GSDME: variants seen among roughly 807,000 people sequenced by gnomAD.
The protein encoded by GSDME is gasdermin E, also known as gasdermin-E.
Under a neutral mutation model 47.5 loss-of-function variants are expected in GSDME, and 44 were observed. The ratio of observed to expected loss-of-function variants is 0.93; its 90% CI spans 0.73 to 1.19. The LOEUF (loss-of-function observed/expected upper bound fraction) is 1.19, where lower values mean the gene tolerates loss of function less well. GSDME is among the 50% of genes most tolerant of loss of function. The pLI, the probability that GSDME is intolerant of heterozygous loss-of-function variation, is 0.00. For synonymous variants in GSDME, 258 were observed against 252.8 expected (o/e 1.02, Z -0.20); for missense variants, 663 against 604.2 (o/e 1.10, Z -1.02).
rs1308848290 is a variant in GSDME, at chr7:24,710,385, A to G, written c.701T>C (p.Phe234Ser). 1 of 1,614,252 alleles carries G rather than the reference A, an allele frequency of 6.2e-7. No individual in the cohort carries two copies. Among genetic ancestry groups the G allele is most frequent in the African/African-American group, 1.3e-5 (1 of 75,070 alleles). The part of the protein sequence containing the change: ...LYVKLDGQFE[F>S]CLLRGKQGGF... ...ACCTTGCTTCCCTCGGAGAAGGCAG[A>G]ACTCTGTAGTGCAGGAGAAAAGGAC... The change falls in exon 6 of 10, where the codon TTC becomes TCC. Residue 234 changes from phenylalanine (F) to serine (S), a missense_variant. Transcript: ENST00000645220.
chr7:24,729,622 C>T (rs886235), intron 3 of GSDME, among the ~76,000 whole-genome samples: 1 of 151,788 alleles, frequency 6.6e-6, no homozygotes, highest in African/African-American at 2.4e-5. Context: ...TCCTTCATGC[C>T]TCTGTGCAGA....
At chr7:24,748,680 T>A (rs769811205) in intron 2 of GSDME, among the ~76,000 whole-genome samples, 11 of 152,202 alleles carry the variant, frequency 7.2e-5, no homozygotes, top group Admixed American at 2.0e-4. Context: ...CTCCTCCTTC[T>A]CTTTCTTTTG....
At chr7:24,775,845 A>G in the GSDME span, among the ~76,000 whole-genome samples, 1 of 124,840 alleles carries the variant, frequency 8.0e-6, no homozygotes, top group Non-Finnish European at 1.6e-5. Flanking sequence ...ACTGCACTCC[A>G]GCCTGGGTGA....
rs553161582 is a variant in GSDME at position 24,714,793 on chromosome 7, G to A, written c.697+2461C>T. On this transcript the variant is annotated intron_variant, in intron 5 of 9. Transcript: ENST00000645220. This position sits in a 1 kb window ranked among gnomAD's most constrained non-coding sequence, Gnocchi z 5.0. ...TGGTCACCTCCTGGGACAAACAGGA[G>A]GAAGCTCGCATGGGGACCACCACCT... Among the ~76,000 whole-genome samples the A allele has an allele frequency of 1.3e-5, 2 of 152,308 alleles. No individual in the cohort carries two copies. Among genetic ancestry groups the A allele is most frequent in the South Asian group, 4.1e-4 (2 of 4,820 alleles).
the GSDME span, among the ~76,000 whole-genome samples, chr7:24,770,872 G>T: frequency 5.4e-5 from 8 of 148,410 alleles, no homozygotes; most frequent in African/African-American, 2.0e-4. The surrounding 1 kb of genome is among the most constrained non-coding windows in gnomAD (Gnocchi z 4.6). Context: ...AAGAAAAAAG[G>T]CTGAAAAAAA....
the GSDME span, among the ~76,000 whole-genome samples, chr7:24,770,802 A>C: frequency 6.6e-6 from 1 of 152,088 alleles, no homozygotes; most frequent in South Asian, 2.1e-4. This position sits in a 1 kb window ranked among gnomAD's most constrained non-coding sequence, Gnocchi z 4.6. Flanking sequence ...CCACTGAGAA[A>C]AGAAGAAATC....
At chr7:24,785,467 G>T in the GSDME span, among the ~76,000 whole-genome samples, 1 of 152,014 alleles carries the variant, frequency 6.6e-6, no homozygotes, top group African/African-American at 2.4e-5. Context: ...TTGTTTGTTT[G>T]TTTTTTTGAG....
At chr7:24,722,647 G>A (rs1332691122) in intron 3 of GSDME, among the ~76,000 whole-genome samples, 3 of 152,052 alleles carry the variant, frequency 2.0e-5, no homozygotes, top group African/African-American at 4.8e-5. Flanking sequence ...CCTCCTACCC[G>A]CCCTAAACAG....
At chr7:24,703,245 AGTT>A (rs1209419645) in intron 8 of GSDME, 10 of 334,772 alleles carry the variant, frequency 3.0e-5, no homozygotes, top group Non-Finnish European at 5.3e-5. Flanking sequence ...CATTTACCAT[AGTT>A]GTTTTGTTTT....
chr7:24,724,102 C>T lies in GSDME; in HGVS notation c.405-4884G>A, dbSNP rs1029968135. Among the ~76,000 whole-genome samples, 3 of 150,758 alleles carry T rather than the reference C, an allele frequency of 2.0e-5. No individual in the cohort carries two copies. The highest frequency in any genetic ancestry group is 1.9e-4 in the East Asian group (1 of 5,134). ...GCCTCTTGGGTGGGGAACCAGATGG[C>T]GGGGAGGGGCTTTTCACCTTTTCTC... On this transcript the variant is annotated intron_variant, in intron 3 of 9. Transcript: ENST00000645220. This position sits in a 1 kb window ranked among gnomAD's most constrained non-coding sequence, Gnocchi z 4.8.
chr7:24,750,999 G>C (rs916545887), intron 1 of GSDME, among the ~76,000 whole-genome samples: 6 of 152,114 alleles, frequency 3.9e-5, no homozygotes, highest in Admixed American at 2.6e-4. Flanking sequence ...TTTCTTTGAG[G>C]AAAAATGAAA....
Position 24,712,176 on chromosome 7 carries a change from A to C in GSDME, c.698-1788T>G, listed in dbSNP as rs548130194. On this transcript the variant is annotated intron_variant, in intron 5 of 9. Coordinates refer to ENST00000645220, the MANE Select transcript of GSDME (RefSeq NM_001127453.2). This position sits in a 1 kb window ranked among gnomAD's most constrained non-coding sequence, Gnocchi z 4.4. ...ACAAAGGAAACGATCCCTGGGCTTT[A>C]CCCACCTGGCCCACACCAGCATTCA... Among the ~76,000 whole-genome samples the C allele has an allele frequency of 4.7e-4, 71 of 152,356 alleles. No homozygotes were observed. The Middle Eastern group carries it at 0.01, about 22-fold the overall frequency.
At position 24,735,298 on chromosome 7, in the gene GSDME, T is replaced by C. The variant is rs1043920381; in HGVS notation, c.404+9264A>G. ...GTCCTACAAGAAATGCTAAAGAGAG[T>C]ATTTTAATCAGAAAGGACATTAATA... is the stretch of plus-strand genomic sequence containing the variant. On this transcript the variant is annotated intron_variant, in intron 3 of 9. Transcript: ENST00000645220. The surrounding 1 kb of genome is among the most constrained non-coding windows in gnomAD (Gnocchi z 4.4). 6.6e-6 allele frequency among the ~76,000 whole-genome samples: 1 copy of C among 151,994 alleles called. No homozygotes were observed. The highest frequency in any genetic ancestry group is 2.4e-5 in the African/African-American group (1 of 41,362).
intron 3 of GSDME, among the ~76,000 whole-genome samples, chr7:24,730,142 A>G (rs1225433453): frequency 6.6e-6 from 1 of 152,206 alleles, no homozygotes; most frequent in Non-Finnish European, 1.5e-5. Flanking sequence ...AAGTGCAGTG[A>G]TGAGTTGAGT....
At chr7:24,730,087 C>T (rs563652580) in intron 3 of GSDME, among the ~76,000 whole-genome samples, 2 of 152,314 alleles carry the variant, frequency 1.3e-5, no homozygotes, top group African/African-American at 4.8e-5. Context: ...ACCAACTGGA[C>T]TCATGCCTCA....
intron 3 of GSDME, among the ~76,000 whole-genome samples, chr7:24,720,822 G>A (rs1041184328): frequency 6.6e-6 from 1 of 152,022 alleles, no homozygotes; most frequent in Non-Finnish European, 1.5e-5. Context: ...CAGGAGAATT[G>A]CTTGAACCCG....
chr7:24,795,389 C>A, the GSDME span, among the ~76,000 whole-genome samples: 1 of 152,130 alleles, frequency 6.6e-6, no homozygotes, highest in Non-Finnish European at 1.5e-5. Context: ...CCTCAGACAC[C>A]GAGTTGAGGA....
At position 24,749,742 on chromosome 7, in the gene GSDME, T is replaced by C; in HGVS notation, c.33A>G (p.Arg11=). 6.2e-7 allele frequency: 1 copy of C among 1,614,144 alleles called. No homozygotes were observed. The highest frequency in any genetic ancestry group is 8.5e-7 in the Non-Finnish European group (1 of 1,179,992). The part of the protein sequence containing the change: MFAKATRNFL[R]EVDADGDLIA... The stretch of plus-strand genomic sequence containing the variant: ...TCAGGTCACCATCAGCATCAACTTC[T>C]CTAAGAAAATTCCTGGTTGCTTTGG... Residue 11 remains arginine, a synonymous_variant, in exon 2 of 10, where the codon AGA becomes AGG. Transcript: ENST00000645220.
the GSDME span, among the ~76,000 whole-genome samples, chr7:24,790,165 G>T: frequency 1.3e-5 from 2 of 152,194 alleles, no homozygotes; most frequent in Non-Finnish European, 2.9e-5. The surrounding 1 kb of genome is among the most constrained non-coding windows in gnomAD (Gnocchi z 4.1). Flanking sequence ...AAGTAGTCAA[G>T]AGCCAATCTA....
Sources: allele counts gnomAD v4.1 joint callset (sites outside exome capture counted in the v4.1 genomes callset), GRCh38; gene constraint gnomAD v4.1.1; non-coding constraint Gnocchi (gnomAD v3.1); transcripts MANE v1.5; gene names NCBI Gene and HGNC (gene_info 2026-07-23, HGNC 2026-07-21).